The following KBTBD7 variants were observed in gnomAD, a reference collection of about 807,000 sequenced individuals.
KBTBD7 encodes kelch repeat and BTB domain-containing protein 7.
In KBTBD7, 25 loss-of-function variants were observed where a neutral mutation model predicts 50.3. That is an observed-to-expected ratio of 0.50 (90% CI 0.36 to 0.69). KBTBD7 has a LOEUF of 0.69. Ranked by LOEUF, KBTBD7 falls within the 30% of genes least tolerant of loss-of-function variation. KBTBD7 has a pLI of 0.00. For synonymous variants in KBTBD7, 305 were observed against 325.3 expected (o/e 0.94, Z 0.67); for missense variants, 653 against 869.5 (o/e 0.75, Z 3.13).
rs1226719683 is a variant in KBTBD7 at position 41,193,560 on chromosome 13, A to G, written c.698T>C (p.Ile233Thr). The G allele has an allele frequency of 5.0e-6, 8 of 1,614,058 alleles. No homozygotes were observed. The highest frequency in any genetic ancestry group is 5.1e-6 in the Non-Finnish European group (6 of 1,180,036). ...LAVLRLDSLD[I>T]ESERTVCHVA... ...ATGGCATACAGTCCGCTCACTCTCT[A>G]TGTCCAGACTATCCAGGCGTAGGAC... Residue 233 changes from isoleucine to threonine, a missense_variant, in exon 1 of 1, where the codon ATA (isoleucine) becomes ACA (threonine). Physicochemically the swap from Ile to Thr is moderately conservative, Grantham distance 89. Coordinates refer to ENST00000379483, the MANE Select transcript of KBTBD7 (RefSeq NM_032138.7). This position sits in a 1 kb window ranked among gnomAD's most constrained non-coding sequence, Gnocchi z 5.7.
At position 41,194,208 on chromosome 13, in the gene KBTBD7, C is replaced by A; in HGVS notation, c.50G>T (p.Arg17Leu). ...VPRSRRLASPRGGRRPKRISK... is the reference protein window; with the variant it reads ...VPRSRRLASPLGGRRPKRISK... ...AATCCTCTTGGGCCGCCTCCCACCACGGGGACTGGCGAGGCGGCGAGAGCG... is the reference window on the plus strand; with the variant it reads ...AATCCTCTTGGGCCGCCTCCCACCAAGGGGACTGGCGAGGCGGCGAGAGCG... Residue 17 changes from arginine (R) to leucine (L), a missense_variant, in exon 1 of 1, where the codon CGT becomes CTT. By Grantham distance (102) the Arg-to-Leu change is moderately radical. Around this residue, in one of 3 missense-constraint regions of KBTBD7, gnomAD observed 119 missense variants for 125.0 expected, o/e 0.95. Coordinates refer to ENST00000379483, the MANE Select transcript of KBTBD7 (RefSeq NM_032138.7). 1 of 1,614,162 alleles carries A rather than the reference C, an allele frequency of 6.2e-7. No homozygotes were observed. Among genetic ancestry groups the A allele is most frequent in the Non-Finnish European group, 8.5e-7 (1 of 1,180,028 alleles).
rs764981841 is a variant in KBTBD7 at position 41,193,462 on chromosome 13, G to A, written c.796C>T (p.Arg266Cys). 4 of 1,613,976 alleles carry A rather than the reference G, an allele frequency of 2.5e-6. No homozygotes were observed. The highest frequency in any genetic ancestry group is 2.2e-5 in the East Asian group (1 of 44,894). Residue 266 changes from arginine (R) to cysteine (C), a missense_variant, in exon 1 of 1, where the codon CGC (arginine) becomes TGC (cysteine). Transcript: ENST00000379483. The surrounding 1 kb of genome is among the most constrained non-coding windows in gnomAD (Gnocchi z 5.7). Reference sequence around the variant, plus strand: ...TCTTCTTCAGTGAAGTGCATCCAGCGCACGCACTTGAAGACTTCTGCAGCA... The same window carrying A: ...TCTTCTTCAGTGAAGTGCATCCAGCACACGCACTTGAAGACTTCTGCAGCA... ...PSAAEVFKCV[R>C]WMHFTEEDQD...
rs1305951594 is a variant in KBTBD7 at position 41,192,803 on chromosome 13, A to T, written c.1455T>A (p.Tyr485Ter). The T allele has an allele frequency of 5.6e-6, 9 of 1,614,104 alleles. No homozygotes were observed. Among genetic ancestry groups the T allele is most frequent in the African/African-American group, 1.3e-5 (1 of 74,940 alleles). The change falls in exon 1 of 1, where the codon TAT becomes TAA. Residue 485 changes from tyrosine to a stop codon, truncating the protein, a stop_gained. Coordinates refer to ENST00000379483, the MANE Select transcript of KBTBD7 (RefSeq NM_032138.7). LOFTEE classifies it high-confidence loss of function. Reference protein sequence around the residue: ...YSFELIVVQNYLYAVNSKRML... With the variant: ...YSFELIVVQN ...TGCGCTTACTGTTGACAGCATAAAG[A>T]TAGTTCTGAACCACTATGAGTTCAA...
Position 41,190,452 on chromosome 13 carries a change from A to C in KBTBD7, c.*1751T>G, listed in dbSNP as rs1460219320. Reference sequence around the variant, plus strand: ...ATCCTTTCTCTTTCCTTTTCGTTCAAAAATTCAGTTCCCCATCCTAGACCA... The same window carrying C: ...ATCCTTTCTCTTTCCTTTTCGTTCACAAATTCAGTTCCCCATCCTAGACCA... On this transcript the variant is annotated 3_prime_UTR_variant, in exon 1 of 1. Coordinates refer to ENST00000379483, the MANE Select transcript of KBTBD7 (RefSeq NM_032138.7). 2 of 152,118 alleles carry C rather than the reference A, an allele frequency of 1.3e-5. No individual in the cohort carries two copies. Among genetic ancestry groups the C allele is most frequent in the African/African-American group, 4.8e-5 (2 of 41,434 alleles). 9.4% of individuals were successfully genotyped at this position (152,118 alleles called of 1,614,324 possible). A position where few individuals can be genotyped will look rare whatever the true frequency, so the allele number is the denominator to read the frequency against.
rs1186645455 is a variant in KBTBD7, at chr13:41,192,385, G to A, written c.1873C>T (p.Pro625Ser). The A allele has an allele frequency of 6.2e-7, 1 of 1,614,022 alleles. No individual in the cohort carries two copies. Among genetic ancestry groups the A allele is most frequent in the Non-Finnish European group, 8.5e-7 (1 of 1,180,034 alleles). ...TCCTCAGTAATAAAACTCTGACCAGGTTCAAGGCAGGAAGGATAAACACGA... is the reference window on the plus strand; with the variant it reads ...TCCTCAGTAATAAAACTCTGACCAGATTCAAGGCAGGAAGGATAAACACGA... ...CARVYPSCLE[P>S]GQSFITEEDD... The change falls in exon 1 of 1, where the codon CCT (proline) becomes TCT (serine). Residue 625 changes from proline (P) to serine (S), a missense_variant. Pro to Ser is a moderately conservative substitution (Grantham distance 74). This residue lies in a region of KBTBD7 where 526 missense variants were observed against 717.1 expected (regional missense o/e 0.73). Transcript: ENST00000379483.
rs1441774026 is a variant in KBTBD7 at position 41,192,583 on chromosome 13, A to G, written c.1675T>C (p.Tyr559His). 5.0e-6 allele frequency: 8 copies of G among 1,614,208 alleles called. No homozygotes were observed. Among genetic ancestry groups the G allele is most frequent in the Non-Finnish European group, 6.8e-6 (8 of 1,180,030 alleles). The change falls in exon 1 of 1, where the codon TAC becomes CAC. Residue 559 changes from tyrosine (Y) to histidine (H), a missense_variant. Tyr to His is a moderately conservative substitution (Grantham distance 83, BLOSUM62 2). Transcript: ENST00000379483. ...TTTTGGTCATGATTGACAATCTGGT[A>G]GTTGTGGGTCTCTGAATCCAAAGGA... ...NIPLDSETHNYQIVNHDQKLL... is the reference protein window; with the variant it reads ...NIPLDSETHNHQIVNHDQKLL...
chr13:41,190,355 T>C lies in KBTBD7; in HGVS notation c.*1848A>G, dbSNP rs1260259695. On this transcript the variant is annotated 3_prime_UTR_variant, in exon 1 of 1. Transcript: ENST00000379483. ...TTCACTGGAAATAACGTTAAACTTGTAGACTGTTCAAATGGCCAATCAAAA... is the reference window on the plus strand; with the variant it reads ...TTCACTGGAAATAACGTTAAACTTGCAGACTGTTCAAATGGCCAATCAAAA... The C allele has an allele frequency of 6.6e-6, 1 of 152,236 alleles. No individual in the cohort carries two copies. Among genetic ancestry groups the C allele is most frequent in the Non-Finnish European group, 1.5e-5 (1 of 68,022 alleles). The allele number at this position is 152,236 out of a possible 1,614,324, so 9.4% of individuals were successfully genotyped here.
Position 41,194,569 on chromosome 13 carries a change from T to G in KBTBD7, c.-312A>C. Reference sequence around the variant, plus strand: ...CCCGCTAGGCGCCCGGGAGAACTACTGCTCCCAGGTTGCCTTTCGCGCCCC... The same window carrying G: ...CCCGCTAGGCGCCCGGGAGAACTACGGCTCCCAGGTTGCCTTTCGCGCCCC... On this transcript the variant is annotated 5_prime_UTR_variant, in exon 1 of 1. Coordinates refer to ENST00000379483, the MANE Select transcript of KBTBD7 (RefSeq NM_032138.7). 2 of 437,084 alleles carry G rather than the reference T, an allele frequency of 4.6e-6. No homozygotes were observed. Among genetic ancestry groups the G allele is most frequent in the Non-Finnish European group, 4.3e-6 (1 of 232,700 alleles). 27.1% of individuals were successfully genotyped at this position (437,084 alleles called of 1,614,324 possible).
chr13:41,192,743 C>T lies in KBTBD7; in HGVS notation c.1515G>A (p.Leu505=), dbSNP rs773321201. The T allele has an allele frequency of 1.9e-6, 3 of 1,614,134 alleles. No homozygotes were observed. The highest frequency in any genetic ancestry group is 2.2e-5 in the South Asian group (2 of 91,082). ...CACTACGTTTAAGAGAAGCACAGTT[C>T]AGCCACATATTGTGGCTAGGATCAT... ...LCYDPSHNMW[L]NCASLKRSDF... is the part of the protein sequence containing the mutation. The change falls in exon 1 of 1, where the codon CTG becomes CTA. Residue 505 remains leucine (L), a synonymous_variant. Coordinates refer to ENST00000379483, the MANE Select transcript of KBTBD7 (RefSeq NM_032138.7).
chr13:41,193,338 A>C lies in KBTBD7; in HGVS notation c.920T>G (p.Leu307Trp), dbSNP rs759087042. The change falls in exon 1 of 1, where the codon TTG becomes TGG. Residue 307 changes from leucine (L) to tryptophan (W), a missense_variant. Physicochemically the swap from Leu to Trp is moderately conservative, Grantham distance 61 (BLOSUM62 -2). This residue lies in a region of KBTBD7 where 526 missense variants were observed against 717.1 expected (regional missense o/e 0.73). Transcript: ENST00000379483. This position sits in a 1 kb window ranked among gnomAD's most constrained non-coding sequence, Gnocchi z 5.7. ...TGGCACTGGCACCAGAGACTTGTAC[A>C]ACAGGTCACCATAGCGCATCTGCAG... The part of the protein sequence containing the change: ...GALQMRYGDL[L>W]YKSLVPVPNS... 2 of 1,611,254 alleles carry C rather than the reference A, an allele frequency of 1.2e-6. No homozygotes were observed. Among genetic ancestry groups the C allele is most frequent in the South Asian group, 2.2e-5 (2 of 91,004 alleles).
chr13:41,190,801 G>A lies in KBTBD7; in HGVS notation c.*1402C>T, dbSNP rs550741406. The A allele has an allele frequency of 6.6e-5, 10 of 152,230 alleles. No homozygotes were observed. The highest frequency in any genetic ancestry group is 2.2e-4 in the African/African-American group (9 of 41,574). The allele number at this position is 152,230 out of a possible 1,614,324, so 9.4% of individuals were successfully genotyped here. ...CAGAGAGACTGAAACATTGTTCACA[G>A]AGAAACACAGAACATATACAAATCT... On this transcript the variant is annotated 3_prime_UTR_variant, in exon 1 of 1. Transcript: ENST00000379483.
chr13:41,193,716 T>C lies in KBTBD7; in HGVS notation c.542A>G (p.Asp181Gly), dbSNP rs1339115077. The change falls in exon 1 of 1, where the codon GAC becomes GGC. Residue 181 changes from aspartate to glycine, a missense_variant. Physicochemically the swap from Asp to Gly is moderately conservative, Grantham distance 94. This residue lies in a region of KBTBD7 where 526 missense variants were observed against 717.1 expected (regional missense o/e 0.73). Transcript: ENST00000379483. The surrounding 1 kb of genome is among the most constrained non-coding windows in gnomAD (Gnocchi z 5.7). ...TCGAAGCTTGTGATGGTCGAAGGCGTCTGCAAACTTGAGGATGGCGGTGCA... is the reference window on the plus strand; with the variant it reads ...TCGAAGCTTGTGATGGTCGAAGGCGCCTGCAAACTTGAGGATGGCGGTGCA... ...TNCTAILKFA[D>G]AFDHHKLRSQ... 1.2e-6 allele frequency: 2 copies of C among 1,614,222 alleles called. No homozygotes were observed. Among genetic ancestry groups the C allele is most frequent in the Non-Finnish European group, 1.7e-6 (2 of 1,180,040 alleles).
rs749853145 is a variant in KBTBD7, at chr13:41,192,489, G to C, written c.1769C>G (p.Thr590Ser). The C allele has an allele frequency of 1.2e-6, 2 of 1,614,068 alleles. No homozygotes were observed. The highest frequency in any genetic ancestry group is 1.7e-6 in the Non-Finnish European group (2 of 1,180,018). ...TATATTAATCCACTGATCTTCCCTA[G>C]TATCATACTCATACACTGTCACTCG... ...KNRVTVYEYDTREDQWINIGT... is the reference protein window; with the variant it reads ...KNRVTVYEYDSREDQWINIGT... Residue 590 changes from threonine (T) to serine (S), a missense_variant, in exon 1 of 1, where the codon ACT (threonine) becomes AGT (serine). Thr to Ser is a moderately conservative substitution (Grantham distance 58). This residue lies in a region of KBTBD7 where 526 missense variants were observed against 717.1 expected (regional missense o/e 0.73). Transcript: ENST00000379483.
At position 41,191,620 on chromosome 13, in the gene KBTBD7, A is replaced by G. The variant is rs1351743144; in HGVS notation, c.*583T>C. 1 of 147,472 alleles carries G rather than the reference A, an allele frequency of 6.8e-6. No homozygotes were observed. The highest frequency in any genetic ancestry group is 1.5e-5 in the Non-Finnish European group (1 of 67,328). 9.1% of individuals were successfully genotyped at this position (147,472 alleles called of 1,614,324 possible). A position where few individuals can be genotyped will look rare whatever the true frequency, so the allele number is the denominator to read the frequency against. On this transcript the variant is annotated 3_prime_UTR_variant, in exon 1 of 1. Coordinates refer to ENST00000379483, the MANE Select transcript of KBTBD7 (RefSeq NM_032138.7). Reference sequence around the variant, plus strand: ...CCATTCTGCACATTATCAAAATGAAATCATTATGCAGTAACCTTATATATA... The same window carrying G: ...CCATTCTGCACATTATCAAAATGAAGTCATTATGCAGTAACCTTATATATA...
Position 41,193,913 on chromosome 13 carries a change from G to A in KBTBD7, c.345C>T (p.His115=), listed in dbSNP as rs776615959. The A allele has an allele frequency of 2.1e-5, 34 of 1,613,844 alleles. No homozygotes were observed. The Admixed American group carries it at 3.8e-4, about 18-fold the overall frequency. Residue 115 remains histidine (H), a synonymous_variant, in exon 1 of 1, where the codon CAC becomes CAT. Coordinates refer to ENST00000379483, the MANE Select transcript of KBTBD7 (RefSeq NM_032138.7). The surrounding 1 kb of genome is among the most constrained non-coding windows in gnomAD (Gnocchi z 5.7). ...YESQQASVTM[H]DVDAESFEVL... Reference sequence around the variant, plus strand: ...CCTCGAAGGACTCGGCGTCCACATCGTGCATGGTCACGCTGGCCTGCTGGC... The same window carrying A: ...CCTCGAAGGACTCGGCGTCCACATCATGCATGGTCACGCTGGCCTGCTGGC...
rs775225004 is a variant in KBTBD7 at position 41,194,038 on chromosome 13, T to A, written c.220A>T (p.Ser74Cys). The change falls in exon 1 of 1, where the codon AGC becomes TGC. Residue 74 changes from serine to cysteine, a missense_variant. Ser to Cys is a moderately radical substitution (Grantham distance 112, BLOSUM62 -1). Transcript: ENST00000379483. ...DVTIEVVTPGSGPGTGRLFSC... is the reference protein window; with the variant it reads ...DVTIEVVTPGCGPGTGRLFSC... ...AAGAGGCGACCCGTGCCAGGCCCGC[T>A]GCCAGGCGTCACCACCTCGATGGTC... is the stretch of plus-strand genomic sequence containing the variant. The A allele has an allele frequency of 6.2e-7, 1 of 1,614,216 alleles. No individual in the cohort carries two copies. Among genetic ancestry groups the A allele is most frequent in the East Asian group, 2.2e-5 (1 of 44,878 alleles).
In KBTBD7 at chr13:41,193,982, C is replaced by G. The variant is rs755491071; in HGVS notation, c.276G>C (p.Ala92=). 64 of 1,614,004 alleles carry G rather than the reference C, an allele frequency of 4.0e-5. No individual in the cohort carries two copies. Among genetic ancestry groups the G allele is most frequent in the Non-Finnish European group, 5.3e-5 (63 of 1,179,996 alleles). The change falls in exon 1 of 1, where the codon GCG becomes GCC. Residue 92 remains alanine, a synonymous_variant. Coordinates refer to ENST00000379483, the MANE Select transcript of KBTBD7 (RefSeq NM_032138.7). This position sits in a 1 kb window ranked among gnomAD's most constrained non-coding sequence, Gnocchi z 5.7. ...FSCNRNVLAA[A]CPYFKSMFTG... ...TGAACATGCTCTTGAAGTAGGGACA[C>G]GCAGCTGCTAGCACGTTGCGATTGC...
chr13:41,192,823 G>A lies in KBTBD7; in HGVS notation c.1435C>T (p.Leu479Phe). Residue 479 changes from leucine to phenylalanine, a missense_variant, in exon 1 of 1, where the codon CTC becomes TTC. By Grantham distance (22) the Leu-to-Phe change is conservative. Around this residue, in one of 3 missense-constraint regions of KBTBD7, gnomAD observed 526 missense variants for 717.1 expected, o/e 0.73. Transcript: ENST00000379483. ...TAAAGATAGTTCTGAACCACTATGA[G>A]TTCAAAGGAATAGAAGGAATGAGGG... ...PVPHSFYSFE[L>F]IVVQNYLYAV... is the part of the protein sequence containing the mutation. 6.2e-7 allele frequency: 1 copy of A among 1,614,202 alleles called. No homozygotes were observed. Among genetic ancestry groups the A allele is most frequent in the Non-Finnish European group, 8.5e-7 (1 of 1,180,044 alleles).
Position 41,193,588 on chromosome 13 carries a change from C to T in KBTBD7, c.670G>A (p.Ala224Thr). 1 of 1,614,252 alleles carries T rather than the reference C, an allele frequency of 6.2e-7. No homozygotes were observed. Among genetic ancestry groups the T allele is most frequent in the South Asian group, 1.1e-5 (1 of 91,088 alleles). Reference protein sequence around the residue: ...LADLTLAQLLAVLRLDSLDIE... With the variant: ...LADLTLAQLLTVLRLDSLDIE... ...TCCAGACTATCCAGGCGTAGGACAG[C>T]CAGCAGCTGGGCCAGGGTTAGATCT... Residue 224 changes from alanine (A) to threonine (T), a missense_variant, in exon 1 of 1, where the codon GCT (alanine) becomes ACT (threonine). This residue lies in a region of KBTBD7 where 526 missense variants were observed against 717.1 expected (regional missense o/e 0.73). Transcript: ENST00000379483. This position sits in a 1 kb window ranked among gnomAD's most constrained non-coding sequence, Gnocchi z 5.7.
Sources: allele counts gnomAD v4.1 joint callset, GRCh38; gene constraint gnomAD v4.1.1; regional missense constraint gnomAD v4.1.1; non-coding constraint Gnocchi (gnomAD v3.1); transcripts MANE v1.5; gene names NCBI Gene and HGNC (gene_info 2026-07-23, HGNC 2026-07-21).